SLC24A2: variants seen among roughly 807,000 people sequenced by gnomAD.
SLC24A2 encodes the protein solute carrier family 24 member 2.
A neutral mutation model predicts 62.0 loss-of-function variants in SLC24A2; 36 were observed. The observed-to-expected ratio is 0.58, with a 90% CI of 0.44 to 0.77. The LOEUF (loss-of-function observed/expected upper bound fraction) is 0.77. Ranked by LOEUF, SLC24A2 falls within the 30% of genes least tolerant of loss-of-function variation. The pLI is 0.00. For missense variants in SLC24A2, 846 were observed against 817.9 expected, an observed-to-expected ratio of 1.03 and a Z score of -0.42; for synonymous variants, 358 against 294.0, an observed-to-expected ratio of 1.22 and a Z score of -2.23.
At chr9:19,629,247 C>T (rs1038564589) in intron 2 of SLC24A2, among the ~76,000 whole-genome samples, 1 of 152,146 alleles carries the variant, frequency 6.6e-6, no homozygotes, top group Non-Finnish European at 1.5e-5. Context: ...GAGAAAGTGG[C>T]ATTTTCCTTG....
the SLC24A2 span, among the ~76,000 whole-genome samples, chr9:20,056,640 T>A: frequency 6.6e-6 from 1 of 152,184 alleles, no homozygotes; most frequent in Admixed American, 6.5e-5. Flanking sequence ...TCAGTGGAAA[T>A]CAGATTCTTA....
At chr9:19,588,574 A>G (rs1421303790) in intron 5 of SLC24A2, among the ~76,000 whole-genome samples, 1 of 150,066 alleles carries the variant, frequency 6.7e-6, no homozygotes, top group Non-Finnish European at 1.5e-5. Context: ...GGTTTCTAAA[A>G]CAAGTAAATT....
intron 2 of SLC24A2, among the ~76,000 whole-genome samples, chr9:19,741,253 GATTTGCCAGTTGGCTTT>G (rs1251635415): frequency 6.6e-6 from 1 of 152,140 alleles, no homozygotes; most frequent in Non-Finnish European, 1.5e-5. Context: ...CCACGCTCCT[GATTTGCCAGTTGGCTTT>G]CCGGTTCTGC....
In SLC24A2 at chr9:19,628,618, T is replaced by G. The variant is rs556919724; in HGVS notation, c.931-6319A>C. Among the ~76,000 whole-genome samples the G allele has an allele frequency of 2.0e-5, 3 of 152,282 alleles. No individual in the cohort carries two copies. The South Asian group carries it at 6.2e-4, about 32-fold the overall frequency. On this transcript the variant is annotated intron_variant, in intron 2 of 10. Transcript: ENST00000341998. ...AATCAAACACAATCTGCTAGTGGTG[T>G]TCTGGTATTAGTCACACGAATTTCC... is the stretch of plus-strand genomic sequence containing the variant.
chr9:20,298,228 T>G, the SLC24A2 span, among the ~76,000 whole-genome samples: 17 of 152,284 alleles, frequency 1.1e-4, no homozygotes, highest in Non-Finnish European at 2.2e-4. Context: ...GAAAGATTAA[T>G]TTTCTTTTTT....
the SLC24A2 span, among the ~76,000 whole-genome samples, chr9:20,301,761 T>C: frequency 1.3e-5 from 2 of 152,168 alleles, no homozygotes; most frequent in East Asian, 3.8e-4. Flanking sequence ...TCACTCAAAG[T>C]CCATGGTTTA....
At chr9:19,636,291 T>TCTC (rs1397274202) in intron 2 of SLC24A2, among the ~76,000 whole-genome samples, 1 of 38,174 alleles carries the variant, frequency 2.6e-5, no homozygotes, top group African/African-American at 1.0e-4. Flanking sequence ...CTTCTCTTCT[T>TCTC]TTCTTTTCTT....
chr9:20,305,862 G>T, the SLC24A2 span, among the ~76,000 whole-genome samples: 1 of 152,188 alleles, frequency 6.6e-6, no homozygotes, highest in Admixed American at 6.5e-5. Context: ...GAGGCTGGAA[G>T]TCTGGGGTCA....
the SLC24A2 span, among the ~76,000 whole-genome samples, chr9:20,239,567 C>A: frequency 6.6e-5 from 10 of 152,166 alleles, no homozygotes; most frequent in Admixed American, 6.5e-4. Flanking sequence ...AGGAAAAGGG[C>A]TGCTCTTGCC....
intron 8 of SLC24A2, among the ~76,000 whole-genome samples, chr9:19,544,920 C>G (rs1253728765): frequency 6.6e-6 from 1 of 152,140 alleles, no homozygotes; most frequent in African/African-American, 2.4e-5. Context: ...TTGCTCTTCT[C>G]AAGGAGTATC....
chr9:19,753,645 A>G (rs137978468), intron 2 of SLC24A2, among the ~76,000 whole-genome samples: 99 of 152,212 alleles, frequency 6.5e-4, no homozygotes, highest in Non-Finnish European at 1.3e-3. Context: ...TCCTTGCTTT[A>G]ATATTTTCTT....
the SLC24A2 span, among the ~76,000 whole-genome samples, chr9:19,896,780 C>T: frequency 1.3e-5 from 2 of 152,082 alleles, no homozygotes; most frequent in Non-Finnish European, 2.9e-5. Flanking sequence ...CTTTGCTGTG[C>T]CTCTATTTCT....
At chr9:20,148,146 T>G in the SLC24A2 span, among the ~76,000 whole-genome samples, 7 of 152,040 alleles carry the variant, frequency 4.6e-5, no homozygotes, top group Non-Finnish European at 7.4e-5. Context: ...CTCTTCAAAG[T>G]GTGCATTTTT....
At chr9:20,130,921 A>G in the SLC24A2 span, among the ~76,000 whole-genome samples, 1 of 152,130 alleles carries the variant, frequency 6.6e-6, no homozygotes, top group East Asian at 1.9e-4. Context: ...CCCTGCCCAG[A>G]CCCAGCCTCA....
At chr9:20,203,234 A>T in the SLC24A2 span, among the ~76,000 whole-genome samples, 1 of 152,136 alleles carries the variant, frequency 6.6e-6, no homozygotes, top group Non-Finnish European at 1.5e-5. Context: ...TCTGCTTGGC[A>T]ATGGTTTTAC....
the SLC24A2 span, among the ~76,000 whole-genome samples, chr9:19,944,774 C>A: frequency 6.6e-6 from 1 of 152,094 alleles, no homozygotes; most frequent in Admixed American, 6.6e-5. Flanking sequence ...ACTTAAGAAG[C>A]CTTTTGTCAC....
chr9:19,777,821 A>T (rs1822889047), intron 2 of SLC24A2, among the ~76,000 whole-genome samples: 1 of 152,172 alleles, frequency 6.6e-6, no homozygotes, highest in Non-Finnish European at 1.5e-5. Flanking sequence ...GAGAATATAA[A>T]CTGTTCAAAA....
At chr9:19,791,233 C>T (rs542966800), upstream of SLC24A2, among the ~76,000 whole-genome samples, 1 of 152,192 alleles carries the variant, frequency 6.6e-6, no homozygotes, top group Admixed American at 6.5e-5. Context: ...TGCATTACAT[C>T]TGTGTTCCAG....
At position 19,520,201 on chromosome 9, in the gene SLC24A2, T is replaced by C. The variant is rs74626114; in HGVS notation, c.1736+693A>G. On this transcript the variant is annotated intron_variant, in intron 10 of 10. Transcript: ENST00000341998. Reference sequence around the variant, plus strand: ...AGTACTCCTGGGAACGTAAGGATAATGTCTTATATCTTATTCTCTCAGGGT... The same window carrying C: ...AGTACTCCTGGGAACGTAAGGATAACGTCTTATATCTTATTCTCTCAGGGT... 7.7e-3 allele frequency among the ~76,000 whole-genome samples: 1,167 copies of C among 152,326 alleles called. 6 individuals carry two copies. Among genetic ancestry groups the C allele is most frequent in the Admixed American group, 0.011 (167 of 15,300 alleles).
Sources: gnomAD v4.1 joint callset for allele counts (sites outside exome capture counted in the v4.1 genomes callset) on GRCh38, gnomAD v4.1.1 for gene constraint, MANE v1.5 for transcripts, NCBI Gene and HGNC (gene_info 2026-07-23, HGNC 2026-07-21) for gene names.